KCNIP4: variants seen among roughly 807,000 people sequenced by gnomAD.
KCNIP4 encodes the protein Kv channel-interacting protein 4.
A neutral mutation model predicts 34.0 loss-of-function variants in KCNIP4; 12 were observed. The ratio of observed to expected loss-of-function variants is 0.35; its 90% confidence interval spans 0.23 to 0.57. The LOEUF is 0.57. KCNIP4 is among the 20% of genes least tolerant of loss of function. The probability of loss-of-function intolerance (pLI) is 0.83; values close to 1 mark genes in which losing one functional copy is unlikely to be tolerated. For missense variants in KCNIP4, 238 were observed against 311.7 expected (o/e 0.76, Z 1.78); for synonymous variants, 124 against 102.2 (o/e 1.21, Z -1.29).
At chr4:20,994,800 C>A (rs898525985) in intron 1 of KCNIP4, among the ~76,000 whole-genome samples, 1 of 152,196 alleles carries the variant, frequency 6.6e-6, no homozygotes, top group Non-Finnish European at 1.5e-5. Context: ...ATGAACTAAA[C>A]TCTTCAGCTA....
intron 1 of KCNIP4, among the ~76,000 whole-genome samples, chr4:21,835,722 T>C (rs1287891586): frequency 2.0e-5 from 3 of 152,140 alleles, no homozygotes; most frequent in African/African-American, 4.8e-5. Context: ...CTTTCATGTA[T>C]ATGTATCAGG....
At chr4:21,921,077 A>AT (rs746723097) in intron 1 of KCNIP4, among the ~76,000 whole-genome samples, 1 of 149,568 alleles carries the variant, frequency 6.7e-6, no homozygotes, top group Non-Finnish European at 1.5e-5. Context: ...CTTCTCTGAT[A>AT]TTTTTTTCAA....
At chr4:21,722,285 T>G (rs1714872013) in intron 1 of KCNIP4, among the ~76,000 whole-genome samples, 1 of 152,136 alleles carries the variant, frequency 6.6e-6, no homozygotes, top group Non-Finnish European at 1.5e-5. Context: ...TTCCAGTGTA[T>G]GCAGGGCTGT....
chr4:20,810,473 G>C (rs1715604704), intron 3 of KCNIP4, among the ~76,000 whole-genome samples: 1 of 151,792 alleles, frequency 6.6e-6, no homozygotes, highest in Admixed American at 6.6e-5. Context: ...GGGAGAGAGA[G>C]AGAGAGACAG....
At chr4:20,937,486 G>A (rs976852175) in intron 1 of KCNIP4, among the ~76,000 whole-genome samples, 15 of 151,414 alleles carry the variant, frequency 9.9e-5, no homozygotes, top group African/African-American at 2.9e-4. Context: ...CACCCGCCTC[G>A]GCCTCCTAAA....
At chr4:21,916,446 G>T (rs1728635424) in intron 1 of KCNIP4, among the ~76,000 whole-genome samples, 1 of 152,078 alleles carries the variant, frequency 6.6e-6, no homozygotes, top group Non-Finnish European at 1.5e-5. Flanking sequence ...TTATTCAGAA[G>T]CCTGTACCTA....
chr4:21,505,269 C>T (rs958924731), intron 1 of KCNIP4, among the ~76,000 whole-genome samples: 1 of 113,752 alleles, frequency 8.8e-6, no homozygotes, highest in Non-Finnish European at 1.8e-5. Flanking sequence ...AGCAGTACTA[C>T]AGGAAAAAAA....
chr4:20,864,007 T>C (rs533613913), intron 2 of KCNIP4, among the ~76,000 whole-genome samples: 1 of 127,368 alleles, frequency 7.9e-6, no homozygotes, highest in African/African-American at 2.7e-5. Flanking sequence ...TACGTACATG[T>C]AAATGTGTGT....
intron 1 of KCNIP4, among the ~76,000 whole-genome samples, chr4:20,951,338 A>G (rs1560595581): frequency 6.6e-6 from 1 of 152,244 alleles, no homozygotes; most frequent in Non-Finnish European, 1.5e-5. Flanking sequence ...CAAGTTGACT[A>G]ACACACTGTT....
chr4:21,699,664 A>T (rs945987253), intron 1 of KCNIP4, among the ~76,000 whole-genome samples: 18 of 152,158 alleles, frequency 1.2e-4, no homozygotes, highest in African/African-American at 4.3e-4. Flanking sequence ...TAAGGAACAG[A>T]GAGAAGGGTG....
chr4:20,863,275 G>A lies in KCNIP4; in HGVS notation c.164-12608C>T, dbSNP rs542072634. 2.3e-4 allele frequency among the ~76,000 whole-genome samples: 35 copies of A among 152,136 alleles called. No individual in the cohort carries two copies. The South Asian group carries it at 3.9e-3, about 17-fold the overall frequency. ...TCAGTTTGGAGATGGAACCATAGGGGGCTCATAGTGCGGTTTTCTTGTTGT... is the reference window on the plus strand; with the variant it reads ...TCAGTTTGGAGATGGAACCATAGGGAGCTCATAGTGCGGTTTTCTTGTTGT... On this transcript the variant is annotated intron_variant, in intron 2 of 8. Coordinates refer to ENST00000382152, the MANE Select transcript of KCNIP4 (RefSeq NM_025221.6).
chr4:20,861,827 T>C (rs1722227898), intron 2 of KCNIP4, among the ~76,000 whole-genome samples: 1 of 152,076 alleles, frequency 6.6e-6, no homozygotes, highest in Non-Finnish European at 1.5e-5. Context: ...ACTTATGAAA[T>C]AGATTGTCTC....
intron 1 of KCNIP4, among the ~76,000 whole-genome samples, chr4:21,917,363 C>T (rs935312580): frequency 6.6e-6 from 1 of 152,084 alleles, no homozygotes; most frequent in African/African-American, 2.4e-5. Context: ...TCTCAAACTC[C>T]TGACCTCGTG....
chr4:21,834,529 C>T (rs1037154030), intron 1 of KCNIP4, among the ~76,000 whole-genome samples: 3 of 152,134 alleles, frequency 2.0e-5, no homozygotes, highest in Admixed American at 6.6e-5. Flanking sequence ...ACAATCATGT[C>T]GTCTGCAAAC....
At position 21,698,781 on chromosome 4, in the gene KCNIP4, T is replaced by C. The variant is rs74320894; in HGVS notation, c.61+249790A>G. Among the ~76,000 whole-genome samples the C allele has an allele frequency of 3.5e-4, 53 of 152,294 alleles. No individual in the cohort carries two copies. In the East Asian group the frequency reaches 8.5e-3, roughly 24 times the overall value. ...TTCTGACAGTTGCAATAATTCTAGT[T>C]GAAACTGATAATTCCCAACAGTACT... On this transcript the variant is annotated intron_variant, in intron 1 of 8. Coordinates refer to ENST00000382152, the MANE Select transcript of KCNIP4 (RefSeq NM_025221.6).
intron 4 of KCNIP4, among the ~76,000 whole-genome samples, chr4:20,751,013 C>T (rs1484953880): frequency 6.6e-6 from 1 of 152,154 alleles, no homozygotes; most frequent in Non-Finnish European, 1.5e-5. Flanking sequence ...AAATTTCTCT[C>T]CTGGCTCTCA....
intron 1 of KCNIP4, among the ~76,000 whole-genome samples, chr4:21,002,927 C>A (rs1738262739): frequency 6.6e-6 from 1 of 152,272 alleles, no homozygotes; most frequent in Admixed American, 6.5e-5. Flanking sequence ...AACCTATTAT[C>A]AGAGCATATC....
intron 2 of KCNIP4, among the ~76,000 whole-genome samples, chr4:20,864,376 AT>A (rs529518181): frequency 1.4e-3 from 214 of 151,044 alleles, no homozygotes; most frequent in African/African-American, 4.9e-3. Context: ...TATGTTATAC[AT>A]TTTATATATA....
chr4:20,939,721 T>C (rs1297820472), intron 1 of KCNIP4, among the ~76,000 whole-genome samples: 9 of 152,186 alleles, frequency 5.9e-5, no homozygotes. Context: ...GTGCTTCTTA[T>C]CTGAATTGAC....
Sources: gnomAD v4.1 joint callset for allele counts (sites outside exome capture counted in the v4.1 genomes callset) on GRCh38, gnomAD v4.1.1 for gene constraint, MANE v1.5 for transcripts, NCBI Gene and HGNC (gene_info 2026-07-23, HGNC 2026-07-21) for gene names.